NDST4: variants seen among roughly 807,000 people sequenced by gnomAD.
NDST4 encodes N-heparan sulfate sulfotransferase 4.
NDST4 carries 63 observed loss-of-function variants against 100.8 expected under a neutral mutation model. The ratio of observed to expected loss-of-function variants is 0.62; its 90% CI spans 0.51 to 0.77. NDST4 has a LOEUF of 0.77. Ranked by LOEUF, NDST4 falls within the 30% of genes least tolerant of loss-of-function variation. NDST4 has a pLI of 0.00. For missense variants in NDST4, 943 were observed against 1,018.4 expected (o/e 0.93, Z 1.01); for synonymous variants, 377 against 361.8 (o/e 1.04, Z -0.48).
chr4:114,880,309 G>A (rs7669112), intron 6 of NDST4, among the ~76,000 whole-genome samples: 13,640 of 152,162 alleles, frequency 0.09, 1,792 homozygotes, highest in African/African-American at 0.29. Flanking sequence ...AGAATACCCT[G>A]ATTTTCAACA....
At chr4:114,990,581 T>A (rs1427649444) in intron 2 of NDST4, among the ~76,000 whole-genome samples, 1 of 152,110 alleles carries the variant, frequency 6.6e-6, no homozygotes, top group Admixed American at 6.6e-5. Context: ...ACATCCCACA[T>A]TATTTTACAT....
At position 114,833,646 on chromosome 4, in the gene NDST4, G is replaced by A. The variant is rs914359170; in HGVS notation, c.2356C>T (p.Leu786=). The change falls in exon 12 of 14, where the codon CTG becomes TTG. Residue 786 remains leucine, a synonymous_variant. Coordinates refer to ENST00000264363, the MANE Select transcript of NDST4 (RefSeq NM_022569.3). ...TAATTATAACGAGGTGTAACTCCCA[G>A]AAACTTCTGGACTTCATCCATCACA... is the stretch of plus-strand genomic sequence containing the variant. The part of the protein sequence containing the change: ...ATVMDEVQKF[L]GVTPRYNYSE... 6.2e-7 allele frequency: 1 copy of A among 1,613,248 alleles called. No homozygotes were observed. Among genetic ancestry groups the A allele is most frequent in the African/African-American group, 1.3e-5 (1 of 74,902 alleles).
Position 115,035,802 on chromosome 4 carries a change from C to T in NDST4, c.978+40257G>A, listed in dbSNP as rs78149007. On this transcript the variant is annotated intron_variant, in intron 2 of 13. Transcript: ENST00000264363. ...ATCCATCACATATGAGATAGAAGTG[C>T]CATGTTGATTTCTACTTCTTCCTTT... Among the ~76,000 whole-genome samples, 852 of 151,938 alleles carry T rather than the reference C, an allele frequency of 5.6e-3. 10 individuals carry two copies. Among genetic ancestry groups the T allele is most frequent in the African/African-American group, 0.02 (815 of 41,486 alleles).
chr4:114,962,920 AG>A (rs1385349939), intron 4 of NDST4, among the ~76,000 whole-genome samples: 29 of 152,158 alleles, frequency 1.9e-4, no homozygotes, highest in Non-Finnish European at 2.9e-5. Context: ...GATAATAACA[AG>A]GGTTGGTGAG....
intron 2 of NDST4, among the ~76,000 whole-genome samples, chr4:115,069,143 T>C (rs953604908): frequency 1.3e-5 from 2 of 152,100 alleles, no homozygotes; most frequent in Admixed American, 1.3e-4. Flanking sequence ...GAACTTAAAA[T>C]GTGGGTAGAT....
rs769565687 is a variant in NDST4 at position 114,839,438 on chromosome 4, T to C, written c.2226A>G (p.Leu742=). 1 of 1,613,978 alleles carries C rather than the reference T, an allele frequency of 6.2e-7. No homozygotes were observed. The highest frequency in any genetic ancestry group is 8.5e-7 in the Non-Finnish European group (1 of 1,179,886). ...TGTGGACTGCATACCATCCAGGTAC[T>C]AGGCATCTTCTCTGCAAAGTTTTTA... ...SDLKTLQRRC[L]VPGWYAVHIE... Residue 742 remains leucine (L), a synonymous_variant, in exon 11 of 14, where the codon CTA becomes CTG. Transcript: ENST00000264363.
chr4:115,009,498 C>G (rs1380311683), intron 2 of NDST4, among the ~76,000 whole-genome samples: 1 of 124,672 alleles, frequency 8.0e-6, no homozygotes, highest in Non-Finnish European at 1.7e-5. Flanking sequence ...AAAGCTGAAA[C>G]TGGATCCCTT....
intron 2 of NDST4, among the ~76,000 whole-genome samples, chr4:115,010,767 G>C (rs958444911): frequency 3.9e-5 from 6 of 152,040 alleles, no homozygotes; most frequent in African/African-American, 4.8e-5. Flanking sequence ...TGAAATATCA[G>C]ATAATATGAA....
intron 2 of NDST4, among the ~76,000 whole-genome samples, chr4:114,994,876 T>G (rs969855981): frequency 2.0e-4 from 31 of 151,936 alleles, no homozygotes; most frequent in Admixed American, 1.3e-3. Flanking sequence ...ACAGGCTGAA[T>G]GAAGGGAATC....
At chr4:114,976,328 A>C (rs1444796236) in intron 3 of NDST4, among the ~76,000 whole-genome samples, 1 of 152,056 alleles carries the variant, frequency 6.6e-6, no homozygotes, top group Non-Finnish European at 1.5e-5. Context: ...CACAGCATGG[A>C]TGCACAAATA....
chr4:114,858,611 T>A (rs1723851254), intron 7 of NDST4, among the ~76,000 whole-genome samples: 1 of 152,200 alleles, frequency 6.6e-6, no homozygotes, highest in Non-Finnish European at 1.5e-5. Context: ...ATAGTTTTTA[T>A]TTAAGGAATA....
At chr4:114,937,846 A>T (rs1725663664) in intron 4 of NDST4, among the ~76,000 whole-genome samples, 2 of 145,390 alleles carry the variant, frequency 1.4e-5, no homozygotes, top group Admixed American at 1.4e-4. Flanking sequence ...CTCAAATATG[A>T]AGGATGAAAG....
rs955752902 is a variant in NDST4 at position 114,833,618 on chromosome 4, G to C, written c.2384C>G (p.Ser795Cys). The change falls in exon 12 of 14, where the codon TCT (serine) becomes TGT (cysteine). Residue 795 changes from serine (S) to cysteine (C), a missense_variant. This residue lies in a region of NDST4 where 526 missense variants were observed against 634.1 expected (regional missense o/e 0.83). Coordinates refer to ENST00000264363, the MANE Select transcript of NDST4 (RefSeq NM_022569.3). ...FLGVTPRYNY[S>C]EALTFDPQKG... ...ACAATAGACTCACGTTAGTGCTTCA[G>C]AGTAATTATAACGAGGTGTAACTCC... is the stretch of plus-strand genomic sequence containing the variant. 3 of 1,606,320 alleles carry C rather than the reference G, an allele frequency of 1.9e-6. No individual in the cohort carries two copies. Among genetic ancestry groups the C allele is most frequent in the East Asian group, 4.5e-5 (2 of 44,798 alleles).
chr4:115,110,806 TG>T (rs1729938758), intron 1 of NDST4, among the ~76,000 whole-genome samples: 1 of 152,038 alleles, frequency 6.6e-6, no homozygotes, highest in South Asian at 2.1e-4. Flanking sequence ...AAAATATATT[TG>T]TTCTTTAAAT....
intron 2 of NDST4, among the ~76,000 whole-genome samples, chr4:115,068,364 G>A (rs371096837): frequency 6.6e-6 from 1 of 152,162 alleles, no homozygotes. Flanking sequence ...TACGTAGGAA[G>A]GAAAATCAAA....
At position 114,866,760 on chromosome 4, in the gene NDST4, T is replaced by A. The variant is rs374780016; in HGVS notation, c.1719+4008A>T. 2.0e-5 allele frequency among the ~76,000 whole-genome samples: 3 copies of A among 152,166 alleles called. No individual in the cohort carries two copies. The East Asian group carries it at 5.8e-4, about 29-fold the overall frequency. ...AGGGTGGTAAAAAGAGAAATAAATA[T>A]GAAGACAAATTTGTAACACTATTTT... On this transcript the variant is annotated intron_variant, in intron 7 of 13. Transcript: ENST00000264363.
At chr4:115,109,875 C>G (rs539920208) in intron 1 of NDST4, among the ~76,000 whole-genome samples, 117 of 151,818 alleles carry the variant, frequency 7.7e-4, no homozygotes, top group African/African-American at 2.7e-3. Context: ...TGAATATAGA[C>G]AAACTATAAC....
chr4:114,961,339 T>C (rs749900861), intron 4 of NDST4, among the ~76,000 whole-genome samples: 51 of 151,030 alleles, frequency 3.4e-4, no homozygotes, highest in Non-Finnish European at 6.9e-4. Context: ...AGGAAAGAAA[T>C]AATAAAGATT....
chr4:115,086,197 G>C (rs911773675), intron 1 of NDST4, among the ~76,000 whole-genome samples: 36 of 152,074 alleles, frequency 2.4e-4, no homozygotes, highest in African/African-American at 8.5e-4. Flanking sequence ...ACTATGAAAT[G>C]GTTGATATCA....
Sources: allele counts gnomAD v4.1 joint callset (sites outside exome capture counted in the v4.1 genomes callset), GRCh38; gene constraint gnomAD v4.1.1; regional missense constraint gnomAD v4.1.1; transcripts MANE v1.5; gene names NCBI Gene and HGNC (gene_info 2026-07-23, HGNC 2026-07-21).